Variants in COL22A1 observed in about 807,000 individuals in gnomAD.
COL22A1 encodes collagen alpha-1(XXII) chain.
A neutral mutation model predicts 248.9 loss-of-function variants in COL22A1; 221 were observed. The observed-to-expected ratio is 0.89, with a 90% CI of 0.80 to 0.99. COL22A1 has a LOEUF of 0.99. Among genes scored for constraint, COL22A1 ranks in the 50% least tolerant of loss-of-function variants. The probability of loss-of-function intolerance (pLI) is 0.00; values close to 1 mark genes in which losing one functional copy is unlikely to be tolerated. For synonymous variants in COL22A1, 891 were observed against 793.4 expected (o/e 1.12, Z -2.07); for missense variants, 2,240 against 2,179.0 (o/e 1.03, Z -0.56).
chr8:138,613,180 G>C (rs1587674199), intron 56 of COL22A1, among the ~76,000 whole-genome samples: 1 of 151,330 alleles, frequency 6.6e-6, no homozygotes, highest in Middle Eastern at 3.4e-3. Context: ...CCTGGGAGGT[G>C]GAGCTTGCAG....
chr8:138,619,484 G>A lies in COL22A1; in HGVS notation c.3796C>T (p.Pro1266Ser), dbSNP rs1443716434. The A allele has an allele frequency of 1.2e-6, 2 of 1,614,028 alleles. No homozygotes were observed. The highest frequency in any genetic ancestry group is 1.7e-6 in the Non-Finnish European group (2 of 1,179,992). The change falls in exon 53 of 65, where the codon CCA becomes TCA. Residue 1266 changes from proline to serine, a missense_variant. Physicochemically the swap from Pro to Ser is moderately conservative, Grantham distance 74. Transcript: ENST00000303045. ...EPGKAGEPGL[P>S]GPEGARGPPG... ...GGGCCTCGGGCACCCTCTGGTCCTG[G>A]TAGACCTGGCTCTCCTGCTTTGCCC...
At chr8:138,769,451 G>T (rs1834178291) in intron 16 of COL22A1, among the ~76,000 whole-genome samples, 1 of 152,168 alleles carries the variant, frequency 6.6e-6, no homozygotes, top group African/African-American at 2.4e-5. Flanking sequence ...CATCTTAGGA[G>T]CTGAGAGCCA....
intron 42 of COL22A1, 104 bp from the exon 43 acceptor site, chr8:138,662,187 G>C: frequency 1.1e-6 from 1 of 903,532 alleles, no homozygotes; most frequent in South Asian, 1.6e-5. Flanking sequence ...ATGGTCTGTT[G>C]CTATGAGGAA....
intron 1 of COL22A1, among the ~76,000 whole-genome samples, 168 bp downstream of exon 1, chr8:138,913,451 G>A (rs1262374535): frequency 1.3e-5 from 2 of 152,154 alleles, no homozygotes; most frequent in African/African-American, 4.8e-5. Context: ...CCTAAAGAGC[G>A]AAGTGTGCTC....
At chr8:138,844,450 C>T (rs750310065) in intron 3 of COL22A1, among the ~76,000 whole-genome samples, 11 of 152,214 alleles carry the variant, frequency 7.2e-5, no homozygotes, top group Admixed American at 5.9e-4. Context: ...GAGCCAGACA[C>T]GGACATCAAT....
intron 43 of COL22A1, 134 bp from the exon 44 acceptor site, chr8:138,660,614 A>C: frequency 1.4e-6 from 1 of 714,068 alleles, no homozygotes; most frequent in Non-Finnish European, 2.4e-6. Flanking sequence ...GACCATGAGG[A>C]TTGGCACCAA....
At chr8:138,666,359 C>T (rs1481300355) in intron 41 of COL22A1, among the ~76,000 whole-genome samples, 2 of 152,226 alleles carry the variant, frequency 1.3e-5, no homozygotes, top group African/African-American at 4.8e-5. Context: ...GTCCTATCTG[C>T]TCCATACATG....
chr8:138,673,592 C>G (rs991235563), intron 41 of COL22A1, among the ~76,000 whole-genome samples: 1 of 152,128 alleles, frequency 6.6e-6, no homozygotes, highest in Non-Finnish European at 1.5e-5. Flanking sequence ...CCCATCCTGC[C>G]GAAGCCACAA....
At chr8:138,633,654 C>G (rs541843800) in intron 49 of COL22A1, among the ~76,000 whole-genome samples, 1 of 152,116 alleles carries the variant, frequency 6.6e-6, no homozygotes, top group African/African-American at 2.4e-5. Context: ...CTCAATTGCC[C>G]CTCTTTGCTT....
chr8:138,607,951 G>A lies in COL22A1; in HGVS notation c.4017C>T (p.Gly1339=), dbSNP rs772269182. The A allele has an allele frequency of 6.2e-7, 1 of 1,613,928 alleles. No homozygotes were observed. Among genetic ancestry groups the A allele is most frequent in the Non-Finnish European group, 8.5e-7 (1 of 1,179,964 alleles). Residue 1339 remains glycine (G), a synonymous_variant, in exon 57 of 65, where the codon GGC becomes GGT. Coordinates refer to ENST00000303045, the MANE Select transcript of COL22A1 (RefSeq NM_152888.3). ...GAGAACTCACAGGGGTTCCTGAAGG[G>A]CCAGGCTCTCCTGGAGATCCCGGTG... is the stretch of plus-strand genomic sequence containing the variant. ...NGSPGSPGEP[G]PSGTPGQKGS...
At chr8:138,780,781 G>T (rs534351248) in intron 13 of COL22A1, 146 bp downstream of exon 13, 1 of 722,490 alleles carries the variant, frequency 1.4e-6, no homozygotes, top group South Asian at 1.5e-5. Flanking sequence ...CTGAGCTCCT[G>T]GTATCTGCGA....
intron 5 of COL22A1, among the ~76,000 whole-genome samples, chr8:138,832,347 C>A (rs1374746015): frequency 6.6e-6 from 1 of 152,116 alleles, no homozygotes; most frequent in Non-Finnish European, 1.5e-5. Flanking sequence ...TGCACGAGAT[C>A]CAAGAACCCT....
At chr8:138,602,971 G>C (rs1401612543) in intron 59 of COL22A1, among the ~76,000 whole-genome samples, 1 of 152,214 alleles carries the variant, frequency 6.6e-6, no homozygotes, top group Non-Finnish European at 1.5e-5. Flanking sequence ...CTCTTAGACA[G>C]CACACATTTG....
chr8:138,874,553 C>G (rs576794699), intron 3 of COL22A1, among the ~76,000 whole-genome samples: 1 of 152,220 alleles, frequency 6.6e-6, no homozygotes, highest in Admixed American at 6.5e-5. Flanking sequence ...CCAGTGAGAC[C>G]GAGTGCCAGG....
At chr8:138,797,330 T>G (rs548638078) in intron 11 of COL22A1, among the ~76,000 whole-genome samples, 5 of 152,326 alleles carry the variant, frequency 3.3e-5, no homozygotes, top group African/African-American at 1.2e-4. Context: ...TGTACATTTT[T>G]TATATAAATG....
At chr8:138,892,434 G>A (rs779150867) in intron 1 of COL22A1, among the ~76,000 whole-genome samples, 1 of 152,198 alleles carries the variant, frequency 6.6e-6, no homozygotes, top group Non-Finnish European at 1.5e-5. Context: ...CCCTGGCATA[G>A]AGTAGGTGTT....
At chr8:138,845,865 AG>A (rs988316033) in intron 3 of COL22A1, among the ~76,000 whole-genome samples, 2 of 152,198 alleles carry the variant, frequency 1.3e-5, no homozygotes, top group African/African-American at 4.8e-5. Context: ...CTGAAGACCC[AG>A]CCCTGCCCAT....
intron 32 of COL22A1, among the ~76,000 whole-genome samples, chr8:138,698,378 C>T (rs956494289): frequency 1.3e-5 from 2 of 152,206 alleles, no homozygotes; most frequent in Non-Finnish European, 2.9e-5. Context: ...TTCCCTAGCA[C>T]CTCTGAGCTG....
At chr8:138,784,812 ACAGCTGATTAGCTCTAATCTAAT>A (rs1468064708) in intron 12 of COL22A1, among the ~76,000 whole-genome samples, 2 of 152,166 alleles carry the variant, frequency 1.3e-5, no homozygotes, top group Non-Finnish European at 2.9e-5. Context: ...AAAGTCACAG[ACAGCTGATTAGCTCTAATCTAAT>A]CAGCTGATTA....
Sources: gnomAD v4.1 joint callset for allele counts (sites outside exome capture counted in the v4.1 genomes callset) on GRCh38, gnomAD v4.1.1 for gene constraint, MANE v1.5 for transcripts, NCBI Gene and HGNC (gene_info 2026-07-23, HGNC 2026-07-21) for gene names.